RHEX: variants seen among roughly 807,000 people sequenced by gnomAD.
RHEX encodes regulator of hemoglobinization and erythroid cell expansion, also known as regulator of hemoglobinization and erythroid cell expansion protein.
A neutral mutation model predicts 20.1 loss-of-function variants in RHEX; 18 were observed. That is an observed-to-expected ratio of 0.90 (90% CI 0.62 to 1.33). The LOEUF is 1.33. Among genes scored for constraint, RHEX ranks in the 40% most tolerant of loss-of-function variants. The pLI is 0.00. For synonymous variants in RHEX, 87 were observed against 77.1 expected (o/e 1.13, Z -0.67); for missense variants, 192 against 214.3 (o/e 0.90, Z 0.65).
chr1:206,062,940 T>C (rs1269921651), intron 1 of RHEX, among the ~76,000 whole-genome samples: 4 of 152,180 alleles, frequency 2.6e-5, no homozygotes, highest in African/African-American at 9.7e-5. Context: ...GCTTACCTTC[T>C]AGAACGAACA....
intron 1 of RHEX, among the ~76,000 whole-genome samples, chr1:206,081,640 T>C (rs1448475136): frequency 6.6e-6 from 1 of 152,176 alleles, no homozygotes; most frequent in Admixed American, 6.5e-5. Context: ...TGATACATGA[T>C]AAAAATGCCG....
At chr1:206,085,405 G>A (rs562869315) in intron 1 of RHEX, among the ~76,000 whole-genome samples, 1 of 152,202 alleles carries the variant, frequency 6.6e-6, no homozygotes, top group African/African-American at 2.4e-5. Context: ...GCCAATCGAT[G>A]AAACAGAATA....
At chr1:206,098,372 C>T (rs966706971) in intron 3 of RHEX, 191 bp downstream of exon 3, 17 of 567,502 alleles carry the variant, frequency 3.0e-5, no homozygotes, top group Non-Finnish European at 4.1e-5. Flanking sequence ...ACTCTGACCT[C>T]ACCTTTTAAC....
At position 206,063,921 on chromosome 1, in the gene RHEX, G is replaced by C. The variant is rs559943907; in HGVS notation, c.-97+10656G>C. ...TGGAAAGTGAGGAGCGTCTCTGCCCGGCCGCCATCCCATCTGGGAAGTGAG... is the reference window on the plus strand; with the variant it reads ...TGGAAAGTGAGGAGCGTCTCTGCCCCGCCGCCATCCCATCTGGGAAGTGAG... On this transcript the variant is annotated intron_variant, in intron 1 of 5. Transcript: ENST00000331555. 6.9e-4 allele frequency among the ~76,000 whole-genome samples: 105 copies of C among 151,118 alleles called. 1 individual carries two copies. In the South Asian group the frequency reaches 0.013, roughly 19 times the overall value.
intron 1 of RHEX, among the ~76,000 whole-genome samples, chr1:206,083,051 T>C (rs1662769627): frequency 6.6e-6 from 1 of 152,220 alleles, no homozygotes; most frequent in African/African-American, 2.4e-5. Context: ...TCCTCAAAAA[T>C]TTATTCTTAT....
intron 1 of RHEX, among the ~76,000 whole-genome samples, chr1:206,087,540 A>G (rs1279126792): frequency 2.0e-5 from 3 of 152,192 alleles, no homozygotes; most frequent in African/African-American, 7.2e-5. Flanking sequence ...TCCAAGTGCA[A>G]ATGAACTCTT....
chr1:206,064,975 AC>A (rs1270874163), intron 1 of RHEX, among the ~76,000 whole-genome samples: 2 of 151,940 alleles, frequency 1.3e-5, no homozygotes, highest in African/African-American at 2.4e-5. Flanking sequence ...CTGTGACCTT[AC>A]CCCCAACCCT....
chr1:206,096,191 A>G (rs574643003), intron 1 of RHEX, among the ~76,000 whole-genome samples: 10 of 152,350 alleles, frequency 6.6e-5, no homozygotes, highest in South Asian at 6.2e-4. Context: ...TTGACTACAA[A>G]TGTCTACTAG....
intron 1 of RHEX, among the ~76,000 whole-genome samples, chr1:206,094,125 T>C (rs1553287374): frequency 6.6e-6 from 1 of 152,078 alleles, no homozygotes. Flanking sequence ...CCATGCGCTT[T>C]TTCACAACAT....
chr1:206,096,759 T>G (rs1246186733), intron 1 of RHEX, among the ~76,000 whole-genome samples: 2 of 146,040 alleles, frequency 1.4e-5, no homozygotes, highest in Non-Finnish European at 3.0e-5. Context: ...TGTGCACAAG[T>G]CCCCTGTTTT....
intron 1 of RHEX, among the ~76,000 whole-genome samples, chr1:206,074,696 A>AAAATCTG (rs1662597900): frequency 6.6e-6 from 1 of 152,204 alleles, no homozygotes; most frequent in South Asian, 2.1e-4. Flanking sequence ...CCCTACTCTG[A>AAAATCTG]AAATCTGAAA....
intron 1 of RHEX, chr1:206,061,713 C>T (rs997145461): frequency 1.3e-5 from 2 of 152,284 alleles, no homozygotes; most frequent in South Asian, 2.1e-4. Flanking sequence ...CAACCTGGCT[C>T]CCCAGAAGGA....
chr1:206,101,083 C>T, intron 4 of RHEX, 53 bp from the exon 5 acceptor site: 2 of 1,459,568 alleles, frequency 1.4e-6, no homozygotes, highest in South Asian at 1.2e-5. Context: ...TCTATCCTCT[C>T]TTAACACCCT....
At chr1:206,098,955 A>G (rs557425418) in intron 3 of RHEX, among the ~76,000 whole-genome samples, 1 of 152,372 alleles carries the variant, frequency 6.6e-6, no homozygotes. Flanking sequence ...GGGAGTTGAT[A>G]CAGCTTGGTG....
intron 1 of RHEX, among the ~76,000 whole-genome samples, chr1:206,087,327 C>T (rs770694413): frequency 4.6e-5 from 7 of 152,244 alleles, no homozygotes; most frequent in Non-Finnish European, 8.8e-5. Context: ...GATTGCTCTT[C>T]TCCCCTCCTT....
In RHEX at chr1:206,054,220, G is replaced by GA. The variant is rs1171503928; in HGVS notation, c.-97+963dup. On this transcript the variant is annotated intron_variant, in intron 1 of 5. Coordinates refer to ENST00000331555, the MANE Select transcript of RHEX (RefSeq NM_001007544.4). ...TGAAATAAACTAACTGGTGTTTAAA[G>GA]AAAAAAAATGTTTGTAATAAGTCAG... Among the ~76,000 whole-genome samples, 6 of 151,002 alleles carry GA rather than the reference G, an allele frequency of 4.0e-5. No individual in the cohort carries two copies. The East Asian group carries it at 5.8e-4, about 15-fold the overall frequency.
At chr1:206,086,314 A>G (rs532679526) in intron 1 of RHEX, among the ~76,000 whole-genome samples, 15 of 152,182 alleles carry the variant, frequency 9.9e-5, no homozygotes, top group South Asian at 2.1e-4. Context: ...TCTGGTACCT[A>G]TATATGCCAG....
At chr1:206,090,477 G>A (rs1662926013) in intron 1 of RHEX, among the ~76,000 whole-genome samples, 1 of 151,720 alleles carries the variant, frequency 6.6e-6, no homozygotes, top group South Asian at 2.1e-4. Flanking sequence ...AAAGTGCTGG[G>A]ATTACAGGTG....
intron 1 of RHEX, among the ~76,000 whole-genome samples, chr1:206,088,853 C>T (rs558346610): frequency 3.4e-3 from 516 of 151,914 alleles, no homozygotes; most frequent in African/African-American, 0.012. Flanking sequence ...CAGGGTCTCA[C>T]GTTGTCGCCC....
Sources: gnomAD v4.1 joint callset for allele counts (sites outside exome capture counted in the v4.1 genomes callset) on GRCh38, gnomAD v4.1.1 for gene constraint, MANE v1.5 for transcripts, NCBI Gene and HGNC (gene_info 2026-07-23, HGNC 2026-07-21) for gene names.